Variants in TBL1XR1 observed in about 807,000 individuals in gnomAD.
TBL1XR1 encodes TBL1X/Y related 1, also known as F-box-like/WD repeat-containing protein TBL1XR1.
TBL1XR1 carries 5 observed loss-of-function variants against 66.9 expected under a neutral mutation model. That is an observed-to-expected ratio of 0.07 (90% confidence interval 0.04 to 0.16). The LOEUF is 0.16. TBL1XR1 is among the 10% of genes least tolerant of loss of function. The pLI is 1.00. For missense variants in TBL1XR1, 238 were observed against 623.2 expected (o/e 0.38, Z 6.58); for synonymous variants, 210 against 206.0 (o/e 1.02, Z -0.17).
In TBL1XR1 at chr3:177,030,131, T is replaced by TAG. The variant is rs72403499; in HGVS notation, c.1416+2838_1416+2839dup. Among the ~76,000 whole-genome samples, 293 of 149,466 alleles carry TAG rather than the reference T, an allele frequency of 2.0e-3. 2 individuals carry two copies. The highest frequency in any genetic ancestry group is 3.6e-3 in the African/African-American group (146 of 40,692). ...ATGTGTGTGTGTGTGTATATATATA[T>TAG]AGAGAGAGAGAGAGAGAGACAGACA... On this transcript the variant is annotated intron_variant, in intron 14 of 15. Coordinates refer to ENST00000457928, the MANE Select transcript of TBL1XR1 (RefSeq NM_024665.7).
intron 2 of TBL1XR1, among the ~76,000 whole-genome samples, chr3:177,068,796 G>C (rs1221372334): frequency 6.6e-6 from 1 of 152,116 alleles, no homozygotes; most frequent in Non-Finnish European, 1.5e-5. Context: ...AAAAAACAGT[G>C]AAAGAGTTAT....
intron 2 of TBL1XR1, among the ~76,000 whole-genome samples, chr3:177,072,907 T>A (rs762388825): frequency 6.6e-6 from 1 of 151,996 alleles, no homozygotes. Context: ...CTATTAAAAA[T>A]ACAAAAATTA....
At chr3:177,145,091 G>C (rs769685862) in intron 1 of TBL1XR1, among the ~76,000 whole-genome samples, 6 of 152,114 alleles carry the variant, frequency 3.9e-5, no homozygotes, top group Non-Finnish European at 8.8e-5. Flanking sequence ...TACCAGGCAA[G>C]CTTAACGAAC....
At chr3:177,107,767 T>C (rs187494675) in intron 1 of TBL1XR1, among the ~76,000 whole-genome samples, 1 of 152,266 alleles carries the variant, frequency 6.6e-6, no homozygotes, top group East Asian at 1.9e-4. Context: ...AGAAAACTCC[T>C]CTCTGTGCCC....
intron 10 of TBL1XR1, among the ~76,000 whole-genome samples, chr3:177,039,890 A>G (rs1715333130): frequency 6.6e-6 from 1 of 152,238 alleles, no homozygotes; most frequent in South Asian, 2.1e-4. Context: ...CATATTACCT[A>G]TGGCTGCTTT....
At chr3:177,086,802 C>A (rs1259838051) in intron 2 of TBL1XR1, among the ~76,000 whole-genome samples, 8 of 151,590 alleles carry the variant, frequency 5.3e-5, no homozygotes, top group Admixed American at 2.6e-4. Context: ...TAACTTCCGA[C>A]TTCCCAAAAA....
chr3:177,083,149 A>G (rs1237247930), intron 2 of TBL1XR1, among the ~76,000 whole-genome samples: 1 of 152,180 alleles, frequency 6.6e-6, no homozygotes, highest in Non-Finnish European at 1.5e-5. Flanking sequence ...TAATCCATAA[A>G]TGACTATTGG....
At chr3:177,157,427 A>AAAGT (rs921037344) in intron 1 of TBL1XR1, among the ~76,000 whole-genome samples, 20 of 152,304 alleles carry the variant, frequency 1.3e-4, no homozygotes, top group African/African-American at 4.8e-4. Flanking sequence ...TGATGAGATT[A>AAAGT]GACTTGCTGG....
At chr3:177,195,035 A>G (rs1304556116) in intron 1 of TBL1XR1, among the ~76,000 whole-genome samples, 2 of 152,180 alleles carry the variant, frequency 1.3e-5, no homozygotes, top group Admixed American at 1.3e-4. Context: ...GTTCCTTAGC[A>G]ATAAGAAAAA....
chr3:177,176,884 G>C (rs1213041786), intron 1 of TBL1XR1, among the ~76,000 whole-genome samples: 1 of 152,162 alleles, frequency 6.6e-6, no homozygotes, highest in Non-Finnish European at 1.5e-5. Context: ...CGAGGCTGAG[G>C]TGGGAGGATT....
At chr3:177,058,684 A>T (rs1232410491) in intron 3 of TBL1XR1, among the ~76,000 whole-genome samples, 1 of 152,204 alleles carries the variant, frequency 6.6e-6, no homozygotes, top group East Asian at 1.9e-4. Flanking sequence ...GAAGGTTTTC[A>T]TCATTGCCAA....
At chr3:177,190,478 G>A (rs545397793) in intron 1 of TBL1XR1, among the ~76,000 whole-genome samples, 1 of 152,240 alleles carries the variant, frequency 6.6e-6, no homozygotes, top group South Asian at 2.1e-4. Flanking sequence ...ACCACTCCCA[G>A]CTAATTTTTT....
At chr3:177,091,847 C>T (rs989455504) in intron 2 of TBL1XR1, among the ~76,000 whole-genome samples, 3 of 152,004 alleles carry the variant, frequency 2.0e-5, no homozygotes, top group Non-Finnish European at 2.9e-5. Context: ...CACAAAGTAA[C>T]GAAATATCTG....
chr3:177,026,716 TTCTTGGCTAAGGTATC>T, intron 14 of TBL1XR1: 1 of 392,494 alleles, frequency 2.5e-6, no homozygotes, highest in Non-Finnish European at 4.5e-6. Context: ...TTGATAACCA[TTCTTGGCTAAGGTATC>T]TGGTCTCTCT....
At chr3:177,070,576 C>T (rs1490738064) in intron 2 of TBL1XR1, among the ~76,000 whole-genome samples, 5 of 152,132 alleles carry the variant, frequency 3.3e-5, no homozygotes, top group African/African-American at 7.2e-5. Context: ...TGGCCAGGTG[C>T]GGTGGCTCAC....
At chr3:177,068,425 C>G (rs952216037) in intron 2 of TBL1XR1, among the ~76,000 whole-genome samples, 6 of 152,148 alleles carry the variant, frequency 3.9e-5, no homozygotes, top group Non-Finnish European at 7.4e-5. Flanking sequence ...TGGCTATATT[C>G]AAAAGTTCGC....
intron 1 of TBL1XR1, among the ~76,000 whole-genome samples, chr3:177,192,806 G>A (rs11920602): frequency 6.6e-6 from 1 of 152,098 alleles, no homozygotes; most frequent in East Asian, 1.9e-4. Flanking sequence ...ACACTAACTG[G>A]ATCTTCTTAA....
chr3:177,107,917 T>C (rs1474498964), intron 1 of TBL1XR1, among the ~76,000 whole-genome samples: 7 of 152,088 alleles, frequency 4.6e-5, no homozygotes, highest in Admixed American at 4.6e-4. Flanking sequence ...TTGCAGGCCA[T>C]TTGGTCTCTG....
chr3:177,100,787 A>G (rs1296442707), intron 1 of TBL1XR1, among the ~76,000 whole-genome samples: 1 of 152,078 alleles, frequency 6.6e-6, no homozygotes, highest in Non-Finnish European at 1.5e-5. Context: ...CATCTATAAA[A>G]TGATTAGATA....
Sources: allele counts gnomAD v4.1 joint callset (sites outside exome capture counted in the v4.1 genomes callset), GRCh38; gene constraint gnomAD v4.1.1; transcripts MANE v1.5; gene names NCBI Gene and HGNC (gene_info 2026-07-23, HGNC 2026-07-21).